The following XPO7 variants were observed in gnomAD, a reference collection of about 807,000 sequenced individuals.
XPO7 encodes the protein exportin-7.
Under a neutral mutation model 144.3 loss-of-function variants are expected in XPO7, and 21 were observed. The ratio of observed to expected loss-of-function variants is 0.15; its 90% CI spans 0.10 to 0.21. The LOEUF (loss-of-function observed/expected upper bound fraction) is 0.21. XPO7 is among the 10% of genes least tolerant of loss of function. The pLI is 1.00. For missense variants in XPO7, 808 were observed against 1,325.8 expected (o/e 0.61, Z 6.06); for synonymous variants, 580 against 499.6 (o/e 1.16, Z -2.15).
chr8:21,939,408 C>T (rs1810921313), intron 1 of XPO7, among the ~76,000 whole-genome samples: 2 of 151,934 alleles, frequency 1.3e-5, no homozygotes, highest in African/African-American at 2.4e-5. Flanking sequence ...TTAGTAGAGA[C>T]GGGAGTTTCT....
At chr8:21,974,588 C>A in intron 5 of XPO7, 82 bp from the exon 6 acceptor site, 1 of 906,572 alleles carries the variant, frequency 1.1e-6, no homozygotes, top group Non-Finnish European at 1.7e-6. Context: ...ACTGGAAATC[C>A]TTCTAGCTTA....
At chr8:21,931,894 CG>C in intron 1 of XPO7, among the ~76,000 whole-genome samples, 1 of 152,188 alleles carries the variant, frequency 6.6e-6, no homozygotes, top group Non-Finnish European at 1.5e-5. Context: ...TATTTTGAGA[CG>C]AAGTCTTGCT....
At chr8:21,926,731 A>T (rs976634655) in intron 1 of XPO7, among the ~76,000 whole-genome samples, 13 of 152,332 alleles carry the variant, frequency 8.5e-5, no homozygotes, top group Admixed American at 3.9e-4. Flanking sequence ...TTCACATATC[A>T]ATACATCTGT....
intron 6 of XPO7, among the ~76,000 whole-genome samples, chr8:21,976,081 C>A (rs1402336945): frequency 1.3e-5 from 2 of 152,186 alleles, no homozygotes; most frequent in African/African-American, 4.8e-5. Flanking sequence ...ACCATTATGT[C>A]TACATTGTGT....
At chr8:21,922,964 C>T (rs562164384) in intron 1 of XPO7, among the ~76,000 whole-genome samples, 2 of 152,102 alleles carry the variant, frequency 1.3e-5, no homozygotes, top group Non-Finnish European at 2.9e-5. Context: ...TGTGAAGAAT[C>T]ATTACAACTT....
intron 3 of XPO7, 124 bp from the exon 4 acceptor site, chr8:21,970,020 G>T: frequency 9.1e-7 from 1 of 1,099,090 alleles, no homozygotes; most frequent in Non-Finnish European, 1.3e-6. Context: ...AATTAAGACA[G>T]TTTGGGTTAA....
chr8:21,972,545 C>T (rs1477208742), intron 5 of XPO7, among the ~76,000 whole-genome samples: 1 of 152,146 alleles, frequency 6.6e-6, no homozygotes, highest in African/African-American at 2.4e-5. Flanking sequence ...CCATAAAGGT[C>T]GACCTTTTGT....
chr8:21,969,693 AT>A, intron 3 of XPO7, 117 bp downstream of exon 3: 1 of 1,034,926 alleles, frequency 9.7e-7, no homozygotes, highest in South Asian at 1.6e-5. Flanking sequence ...ACCATACAAA[AT>A]GTCTAGAATC....
intron 26 of XPO7, among the ~76,000 whole-genome samples, 162 bp downstream of exon 26, chr8:22,003,479 A>C (rs1813222902): frequency 6.6e-6 from 1 of 152,378 alleles, no homozygotes; most frequent in Admixed American, 6.5e-5. Flanking sequence ...TCAGTATCAC[A>C]TAATCATTTA....
chr8:21,981,337 A>G (rs1174188437), intron 9 of XPO7, among the ~76,000 whole-genome samples: 1 of 152,254 alleles, frequency 6.6e-6, no homozygotes. Flanking sequence ...CGTGGAAATG[A>G]AAATTTCATT....
At chr8:21,982,571 T>G in intron 10 of XPO7, 69 bp from the exon 11 acceptor site, 1 of 1,483,794 alleles carries the variant, frequency 6.7e-7, no homozygotes, top group Non-Finnish European at 9.0e-7. Context: ...TTATCTTCTG[T>G]GTCAGTGGCA....
At chr8:21,949,909 G>C (rs1811314682) in intron 1 of XPO7, among the ~76,000 whole-genome samples, 1 of 152,200 alleles carries the variant, frequency 6.6e-6, no homozygotes, top group African/African-American at 2.4e-5. Flanking sequence ...ATTTTTAGTA[G>C]AGACAGGGTT....
Position 22,005,201 on chromosome 8 carries a change from TG to T in XPO7, c.*117del. 3.5e-6 allele frequency: 3 copies of T among 846,880 alleles called. No homozygotes were observed. The highest frequency in any genetic ancestry group is 5.3e-6 in the Non-Finnish European group (3 of 562,286). The allele number at this position is 846,880 out of a possible 1,614,324, so 52.5% of individuals were successfully genotyped here. On this transcript the variant is annotated 3_prime_UTR_variant, in exon 28 of 28. Transcript: ENST00000252512. ...ATCCTGGCTCTTTTCTCCAGGGGTG[TG>T]GGGAAAATGGCAAAGGTCAACTAGC...
At chr8:21,978,534 C>T (rs1188243997) in intron 8 of XPO7, among the ~76,000 whole-genome samples, 2 of 152,198 alleles carry the variant, frequency 1.3e-5, no homozygotes, top group Non-Finnish European at 2.9e-5. Flanking sequence ...TTCGCTGAAA[C>T]ATGATTTCAG....
chr8:21,968,634 A>G (rs1811959342), intron 2 of XPO7, among the ~76,000 whole-genome samples: 2 of 152,236 alleles, frequency 1.3e-5, no homozygotes, highest in African/African-American at 2.4e-5. Context: ...ACCTGGTGGT[A>G]TTATGTAATA....
intron 1 of XPO7, among the ~76,000 whole-genome samples, chr8:21,928,296 C>T (rs1388457804): frequency 6.6e-6 from 1 of 152,158 alleles, no homozygotes; most frequent in Non-Finnish European, 1.5e-5. Context: ...CCAAGTATTC[C>T]GTTGTATGAA....
At chr8:21,993,542 G>A (rs1455872393) in intron 19 of XPO7, among the ~76,000 whole-genome samples, 1 of 152,174 alleles carries the variant, frequency 6.6e-6, no homozygotes, top group Non-Finnish European at 1.5e-5. Flanking sequence ...TTTTATAGTA[G>A]TTTTATTGCT....
intron 1 of XPO7, among the ~76,000 whole-genome samples, chr8:21,937,357 G>A (rs564216959): frequency 1.3e-5 from 2 of 152,280 alleles, no homozygotes; most frequent in African/African-American, 4.8e-5. Context: ...CACTTTTAAT[G>A]TCTTACGGTA....
chr8:21,990,505 G>A (rs1310544580), intron 17 of XPO7, 98 bp downstream of exon 17: 3 of 1,369,290 alleles, frequency 2.2e-6, no homozygotes, highest in East Asian at 4.6e-5. Context: ...CCCGGGTATT[G>A]CTACAGCAAA....
Sources: allele counts gnomAD v4.1 joint callset (sites outside exome capture counted in the v4.1 genomes callset), GRCh38; gene constraint gnomAD v4.1.1; transcripts MANE v1.5; gene names NCBI Gene and HGNC (gene_info 2026-07-23, HGNC 2026-07-21).